SEM1: variants seen among roughly 807,000 people sequenced by gnomAD.
SEM1 encodes SEM1 26S proteasome subunit, also known as 26S proteasome complex subunit SEM1.
A neutral mutation model predicts 12.7 loss-of-function variants in SEM1; 3 were observed. The observed-to-expected ratio is 0.24, with a 90% CI of 0.11 to 0.61. SEM1 has a LOEUF of 0.61. SEM1 is among the 20% of genes least tolerant of loss of function. SEM1 has a pLI of 0.88. For synonymous variants in SEM1, 30 were observed against 27.8 expected (o/e 1.08, Z -0.25); for missense variants, 59 against 81.3 (o/e 0.73, Z 1.06).
At chr7:96,691,422 A>G (rs1417318089) in intron 2 of SEM1, among the ~76,000 whole-genome samples, 1 of 152,216 alleles carries the variant, frequency 6.6e-6, no homozygotes, top group Non-Finnish European at 1.5e-5. Flanking sequence ...GTGTGACAAA[A>G]GTAGGTCACA....
chr7:96,652,745 T>C (rs1301705604), intron 2 of SEM1, among the ~76,000 whole-genome samples: 3 of 152,220 alleles, frequency 2.0e-5, no homozygotes, highest in African/African-American at 7.2e-5. Flanking sequence ...ATTATTTGAA[T>C]GTGAAATGAA....
At chr7:96,679,440 C>T (rs999581597) in intron 2 of SEM1, among the ~76,000 whole-genome samples, 1 of 151,846 alleles carries the variant, frequency 6.6e-6, no homozygotes, top group Non-Finnish European at 1.5e-5. Flanking sequence ...TATTTATGAA[C>T]CCTAACATAG....
intron 2 of SEM1, among the ~76,000 whole-genome samples, chr7:96,540,084 G>T (rs911529894): frequency 1.3e-5 from 2 of 151,080 alleles, no homozygotes; most frequent in Non-Finnish European, 3.0e-5. Flanking sequence ...AATTGAAAAA[G>T]AATTCTTAAC....
At chr7:96,635,131 A>G (rs1028407752) in intron 2 of SEM1, among the ~76,000 whole-genome samples, 2 of 152,152 alleles carry the variant, frequency 1.3e-5, no homozygotes, top group African/African-American at 2.4e-5. Flanking sequence ...GGAAAAGTCA[A>G]AAAGATTGAA....
At chr7:96,573,675 C>G in intron 2 of SEM1, among the ~76,000 whole-genome samples, 1 of 152,082 alleles carries the variant, frequency 6.6e-6, no homozygotes, top group Non-Finnish European at 1.5e-5. Flanking sequence ...GTAATCCGAC[C>G]TTTCTCTCTG....
chr7:96,484,990 G>A (rs1563022225), intron 2 of SEM1: 1 of 442,254 alleles, frequency 2.3e-6, no homozygotes, highest in Non-Finnish European at 4.1e-6. Context: ...CATTTATTAA[G>A]TGCCTCATAG....
chr7:96,688,048 C>T (rs1224960031), downstream of SEM1: 1 of 152,154 alleles, frequency 6.6e-6, no homozygotes, highest in African/African-American at 2.4e-5. Flanking sequence ...TTACTCAACA[C>T]TACAGATTGA....
intron 2 of SEM1, among the ~76,000 whole-genome samples, chr7:96,583,536 T>G (rs1373750862): frequency 9.3e-5 from 14 of 149,734 alleles, no homozygotes; most frequent in Non-Finnish European, 1.3e-4. Context: ...TTGTTGACTT[T>G]CTGTCTTGTT....
downstream of SEM1, among the ~76,000 whole-genome samples, chr7:96,618,391 GC>G (rs1807784609): frequency 6.6e-6 from 1 of 152,062 alleles, no homozygotes; most frequent in Non-Finnish European, 1.5e-5. Context: ...TTTTATACTT[GC>G]CTGGGGATTG....
intron 2 of SEM1, among the ~76,000 whole-genome samples, chr7:96,548,653 C>T (rs1239205163): frequency 6.6e-6 from 1 of 152,110 alleles, no homozygotes; most frequent in Non-Finnish European, 1.5e-5. Flanking sequence ...ATCAACCGAA[C>T]TATCTGGTTC....
At chr7:96,506,268 T>A (rs866864363) in intron 3 of SEM1, among the ~76,000 whole-genome samples, 4 of 152,154 alleles carry the variant, frequency 2.6e-5, no homozygotes, top group Middle Eastern at 3.2e-3. Context: ...AAATTTTATA[T>A]GGACACATTA....
chr7:96,493,774 G>C (rs1803125148), intron 1 of SEM1, among the ~76,000 whole-genome samples: 1 of 152,018 alleles, frequency 6.6e-6, no homozygotes, highest in Admixed American at 6.6e-5. Flanking sequence ...TCTACTCCAA[G>C]GGCTCTCTTC....
At chr7:96,673,720 A>G in exon 3 of SEM1, 1 of 764,190 alleles carries the variant, frequency 1.3e-6, no homozygotes. Context: ...AGCTCTTTAC[A>G]TTTAGGTGGG....
At chr7:96,563,252 G>A (rs1379955263) in intron 2 of SEM1, among the ~76,000 whole-genome samples, 1 of 152,070 alleles carries the variant, frequency 6.6e-6, no homozygotes, top group African/African-American at 2.4e-5. Context: ...GCATTAGGAG[G>A]GTTGGGAAGG....
chr7:96,681,968 C>T (rs1231974254), intron 2 of SEM1, among the ~76,000 whole-genome samples: 2 of 152,096 alleles, frequency 1.3e-5, no homozygotes, highest in African/African-American at 4.8e-5. Flanking sequence ...CTGTAAATTA[C>T]TTTGGGCAGT....
chr7:96,506,521 T>C (rs1803759156), intron 3 of SEM1: 1 of 152,106 alleles, frequency 6.6e-6, no homozygotes, highest in Admixed American at 6.6e-5. Context: ...CTAAGGAAAC[T>C]CCAAAATTTA....
chr7:96,569,931 C>T (rs1418841090), intron 2 of SEM1, among the ~76,000 whole-genome samples: 1 of 151,742 alleles, frequency 6.6e-6, no homozygotes, highest in East Asian at 1.9e-4. Flanking sequence ...ATCTAATTAT[C>T]GTTGATGGAA....
intron 2 of SEM1, among the ~76,000 whole-genome samples, chr7:96,512,938 T>G (rs1803977129): frequency 6.6e-6 from 1 of 152,126 alleles, no homozygotes; most frequent in Admixed American, 6.6e-5. Context: ...TCTTAATTGC[T>G]TTCATTACAT....
At chr7:96,523,479 A>G (rs1804348677) in intron 2 of SEM1, among the ~76,000 whole-genome samples, 1 of 152,072 alleles carries the variant, frequency 6.6e-6, no homozygotes, top group Non-Finnish European at 1.5e-5. Context: ...AGAGGGAAAG[A>G]TCACATTTTA....
Sources: gnomAD v4.1 joint callset for allele counts (sites outside exome capture counted in the v4.1 genomes callset) on GRCh38, gnomAD v4.1.1 for gene constraint, MANE v1.5 for transcripts, NCBI Gene and HGNC (gene_info 2026-07-23, HGNC 2026-07-21) for gene names.